The following STAB1 variants were observed in gnomAD, a reference collection of about 807,000 sequenced individuals.
STAB1 encodes the protein stabilin 1, also known as stabilin-1.
In STAB1, 250 loss-of-function variants were observed where a neutral mutation model predicts 332.4. The ratio of observed to expected loss-of-function variants is 0.75; its 90% CI spans 0.68 to 0.84. The LOEUF is 0.84. Among genes scored for constraint, STAB1 ranks in the 40% least tolerant of loss-of-function variants. The pLI is 0.00. For synonymous variants in STAB1, 1,475 were observed against 1,390.4 expected (o/e 1.06, Z -1.35); for missense variants, 3,249 against 3,489.7 (o/e 0.93, Z 1.74).
chr3:52,512,456 G>A lies in STAB1; in HGVS notation c.2979+20G>A, dbSNP rs375837636. ...TTCCGGGTAAGGGGTGCTCAGACTC[G>A]TTTTCTGTCTTCCCCGTGCTTGGGA... On this transcript the variant is annotated intron_variant, in intron 27 of 68. Coordinates refer to ENST00000321725, the MANE Select transcript of STAB1 (RefSeq NM_015136.3). 3.9e-5 allele frequency: 63 copies of A among 1,609,448 alleles called. No homozygotes were observed. Among genetic ancestry groups the A allele is most frequent in the Non-Finnish European group, 5.0e-5 (59 of 1,177,334 alleles).
At chr3:52,501,612 TCACC>T (rs1708448762) in intron 2 of STAB1, 22 bp from the exon 3 acceptor site, 1 of 1,541,660 alleles carries the variant, frequency 6.5e-7, no homozygotes, top group Admixed American at 2.0e-5. Context: ...GCCTTTTCCA[TCACC>T]CTGCCCACCC....
chr3:52,516,014 C>T lies in STAB1; in HGVS notation c.3949-29C>T, dbSNP rs764209638. 48 of 1,569,248 alleles carry T rather than the reference C, an allele frequency of 3.1e-5. No homozygotes were observed. In the South Asian group the frequency reaches 3.9e-4, roughly 13 times the overall value. On this transcript the variant is annotated intron_variant, in intron 37 of 68. Transcript: ENST00000321725. Reference sequence around the variant, plus strand: ...CCCTGACACCTTGCTGGGCCTCTCTCGCCCTCTCTCCCATCCCCACGCCGA... The same window carrying T: ...CCCTGACACCTTGCTGGGCCTCTCTTGCCCTCTCTCCCATCCCCACGCCGA...
At chr3:52,511,818 C>A in intron 26 of STAB1, 73 bp downstream of exon 26, 1 of 1,212,638 alleles carries the variant, frequency 8.2e-7, no homozygotes, top group South Asian at 1.5e-5. Flanking sequence ...CTCTCCCTCC[C>A]TCCCCATCTC....
At position 52,519,252 on chromosome 3, in the gene STAB1, C is replaced by T. The variant is rs751781448; in HGVS notation, c.5035-12C>T. ...ACCTATCTGCTTCATCAGCCCCGTG[C>T]CCCGCCCCCAGGGCAGCATATACCT... On this transcript the variant is annotated splice_polypyrimidine_tract_variant and intron_variant, in intron 48 of 68. Transcript: ENST00000321725. The T allele has an allele frequency of 1.6e-5, 26 of 1,608,762 alleles. No homozygotes were observed. In the Middle Eastern group the frequency reaches 8.3e-4, roughly 51 times the overall value.
rs773180681 is a variant in STAB1 at position 52,522,752 on chromosome 3, A to T, written c.6745-23A>T. The T allele has an allele frequency of 2.5e-6, 4 of 1,612,668 alleles. No homozygotes were observed. In the South Asian group the frequency reaches 4.4e-5, roughly 18 times the overall value. ...AGGCCTTGACTGGGTCTTGGGTCTT[A>T]GTATCCCCTCCTGTTCCTACAGCTG... On this transcript the variant is annotated intron_variant, in intron 61 of 68. Coordinates refer to ENST00000321725, the MANE Select transcript of STAB1 (RefSeq NM_015136.3).
At position 52,523,642 on chromosome 3, in the gene STAB1, C is replaced by A; in HGVS notation, c.7291-10C>A. On this transcript the variant is annotated splice_polypyrimidine_tract_variant and intron_variant, in intron 65 of 68. Coordinates refer to ENST00000321725, the MANE Select transcript of STAB1 (RefSeq NM_015136.3). Reference sequence around the variant, plus strand: ...CGCTCACAGTGGGCCTGACTCTGGTCTCCCTGCAGGCCCCAGGGACAGTTG... The same window carrying A: ...CGCTCACAGTGGGCCTGACTCTGGTATCCCTGCAGGCCCCAGGGACAGTTG... The A allele has an allele frequency of 6.2e-7, 1 of 1,612,934 alleles. No individual in the cohort carries two copies. Among genetic ancestry groups the A allele is most frequent in the South Asian group, 1.1e-5 (1 of 91,082 alleles).
rs749070359 is a variant in STAB1 at position 52,506,119 on chromosome 3, C to T, written c.1750-51C>T. The stretch of plus-strand genomic sequence containing the variant: ...CCTCCTGGGCAGGACTGGGCGTGGC[C>T]CCAAGGTATGGCCAGAGCCCAGCCT... On this transcript the variant is annotated intron_variant, in intron 16 of 68. Transcript: ENST00000321725. 16 of 1,579,574 alleles carry T rather than the reference C, an allele frequency of 1.0e-5. 1 individual carries two copies. In the Middle Eastern group the frequency reaches 6.6e-4, roughly 65 times the overall value.
rs982270207 is a variant in STAB1, at chr3:52,517,355, C to A, written c.4525C>A (p.His1509Asn). The A allele has an allele frequency of 6.2e-7, 1 of 1,604,326 alleles. No homozygotes were observed. Among genetic ancestry groups the A allele is most frequent in the Non-Finnish European group, 8.5e-7 (1 of 1,176,004 alleles). ...NSCLIHHGGC[H>N]IHAECIPTGP... ...CTGTCTCATCCACCACGGGGGCTGCCACATTCACGCCGAGTGCATCCCCAC... is the reference window on the plus strand; with the variant it reads ...CTGTCTCATCCACCACGGGGGCTGCAACATTCACGCCGAGTGCATCCCCAC... The change falls in exon 43 of 69, where the codon CAC becomes AAC. Residue 1509 changes from histidine to asparagine, a missense_variant. Transcript: ENST00000321725.
chr3:52,502,953 C>T (rs571659523), intron 6 of STAB1, 46 bp from the exon 7 acceptor site: 2 of 1,476,958 alleles, frequency 1.4e-6, no homozygotes, highest in Admixed American at 2.2e-5. Context: ...TGTGTTCCTC[C>T]CCAGCCTGGG....
rs1708752497 is a variant in STAB1 at position 52,505,123 on chromosome 3, G to T, written c.1498G>T (p.Gly500Trp). Residue 500 changes from glycine to tryptophan, a missense_variant, in exon 13 of 69, where the codon GGG becomes TGG. Gly to Trp is a radical substitution (Grantham distance 184, BLOSUM62 -2). Transcript: ENST00000321725. Reference protein sequence around the residue: ...VTGLRWQAPSGTPGDPKRTIG... With the variant: ...VTGLRWQAPSWTPGDPKRTIG... ...TGGCCTGCGGTGGCAGGCCCCCTCT[G>T]GGACCCCTGGGGATCCCAAGGTGAG... 1.2e-6 allele frequency: 2 copies of T among 1,612,912 alleles called. No homozygotes were observed. Among genetic ancestry groups the T allele is most frequent in the African/African-American group, 2.7e-5 (2 of 74,894 alleles).
intron 1 of STAB1, among the ~76,000 whole-genome samples, chr3:52,497,649 G>A (rs1301988960): frequency 6.6e-6 from 1 of 151,864 alleles, no homozygotes; most frequent in African/African-American, 2.4e-5. Context: ...CTGATGTCAG[G>A]TGATCTACCC....
chr3:52,503,145 A>C, intron 7 of STAB1, 36 bp downstream of exon 7: 2 of 1,172,096 alleles, frequency 1.7e-6, no homozygotes, highest in Non-Finnish European at 2.5e-6. Flanking sequence ...ACTTCAGCTC[A>C]GGGCGGGCGG....
At chr3:52,499,715 C>T (rs1007899403) in intron 1 of STAB1, among the ~76,000 whole-genome samples, 5 of 151,656 alleles carry the variant, frequency 3.3e-5, no homozygotes, top group Middle Eastern at 3.4e-3. Context: ...CCCGCTAAAA[C>T]GGTGAAACCC....
chr3:52,495,745 G>T (rs538115947), intron 1 of STAB1, among the ~76,000 whole-genome samples: 1 of 152,230 alleles, frequency 6.6e-6, no homozygotes, highest in Admixed American at 6.5e-5. Context: ...GCTCCCCAGC[G>T]TGCAGCTGAA....
At chr3:52,500,292 CT>C (rs1708349569) in intron 1 of STAB1, among the ~76,000 whole-genome samples, 2 of 152,232 alleles carry the variant, frequency 1.3e-5, no homozygotes. Flanking sequence ...CTCATGCATC[CT>C]TCAGGTCCCA....
Position 52,524,178 on chromosome 3 carries a change from G to C in STAB1, c.7621G>C (p.Val2541Leu). 6.2e-7 allele frequency: 1 copy of C among 1,614,104 alleles called. No individual in the cohort carries two copies. The highest frequency in any genetic ancestry group is 8.5e-7 in the Non-Finnish European group (1 of 1,180,038). The change falls in exon 68 of 69, where the codon GTC becomes CTC. Residue 2541 changes from valine (V) to leucine (L), a missense_variant. Physicochemically the swap from Val to Leu is conservative, Grantham distance 32. Coordinates refer to ENST00000321725, the MANE Select transcript of STAB1 (RefSeq NM_015136.3). ...CACCCTGGTCTCTGTCCCCAACCCTGTCTTTGGCAGCGACACCTTTTGTGA... is the reference window on the plus strand; with the variant it reads ...CACCCTGGTCTCTGTCCCCAACCCTCTCTTTGGCAGCGACACCTTTTGTGA... ...NPTLVSVPNPVFGSDTFCEPF... is the reference protein window; with the variant it reads ...NPTLVSVPNPLFGSDTFCEPF...
chr3:52,501,711 C>A lies in STAB1; in HGVS notation c.289C>A (p.Gln97Lys). 6.3e-7 allele frequency: 1 copy of A among 1,579,702 alleles called. No individual in the cohort carries two copies. Among genetic ancestry groups the A allele is most frequent in the Non-Finnish European group, 8.6e-7 (1 of 1,163,768 alleles). Residue 97 changes from glutamine (Q) to lysine (K), a missense_variant, in exon 3 of 69, where the codon CAG becomes AAG. By Grantham distance (53) the Gln-to-Lys change is moderately conservative (BLOSUM62 1). Transcript: ENST00000321725. ...ACGGAAGTGCCGGAAGCAAGTGGTG[C>A]AGAAGGCCTGCTGCCCTGGCTACTG... ...CRRKCRKQVVQKACCPGYWGS... is the reference protein window; with the variant it reads ...CRRKCRKQVVKKACCPGYWGS...
In STAB1 at chr3:52,522,407, G is replaced by T. The variant is rs1430176462; in HGVS notation, c.6543G>T (p.Val2181=). 6.2e-7 allele frequency: 1 copy of T among 1,612,978 alleles called. No homozygotes were observed. The highest frequency in any genetic ancestry group is 8.5e-7 in the Non-Finnish European group (1 of 1,180,036). Residue 2181 remains valine, a synonymous_variant, in exon 60 of 69, where the codon GTG becomes GTT. Transcript: ENST00000321725. ...GTCTGGAGGAGTCGGAACCACCTGT[G>T]GACCGCTGCTTGGGCCAGCCACCGC... ...LQCLEESEPP[V]DRCLGQPPPC...
At chr3:52,506,568 G>A (rs528116802) in intron 17 of STAB1, 124 bp from the exon 18 acceptor site, 16 of 1,100,410 alleles carry the variant, frequency 1.5e-5, no homozygotes, top group Middle Eastern at 3.1e-4. Context: ...TATGGCCAGC[G>A]GGGCCTTCAG....
Sources: allele counts gnomAD v4.1 joint callset (sites outside exome capture counted in the v4.1 genomes callset), GRCh38; gene constraint gnomAD v4.1.1; transcripts MANE v1.5; gene names NCBI Gene and HGNC (gene_info 2026-07-23, HGNC 2026-07-21).